The following TLN2 variants were observed in gnomAD, a reference collection of about 807,000 sequenced individuals.
The protein encoded by TLN2 is talin 2.
TLN2 carries 118 observed loss-of-function variants against 294.7 expected under a neutral mutation model. The ratio of observed to expected loss-of-function variants is 0.40; its 90% CI spans 0.34 to 0.47. TLN2 has a LOEUF of 0.47. Among genes scored for constraint, TLN2 ranks in the 20% least tolerant of loss-of-function variants. TLN2 has a pLI of 0.84. For synonymous variants in TLN2, 1,431 were observed against 1,304.5 expected, an observed-to-expected ratio of 1.10 and a Z score of -2.09; for missense variants, 3,083 against 3,282.2, an observed-to-expected ratio of 0.94 and a Z score of 1.48.
At chr15:62,545,096 A>ATTT (rs57917415) in intron 1 of TLN2, among the ~76,000 whole-genome samples, 2 of 141,744 alleles carry the variant, frequency 1.4e-5, no homozygotes, top group African/African-American at 2.6e-5. Flanking sequence ...CACCCAGCTG[A>ATTT]TTTTTTTTTT....
intron 50 of TLN2, among the ~76,000 whole-genome samples, chr15:62,804,914 C>T (rs1052186386): frequency 6.6e-6 from 1 of 151,962 alleles, no homozygotes; most frequent in Non-Finnish European, 1.5e-5. Flanking sequence ...GGGTACCAAT[C>T]ACTCATGTTA....
chr15:62,542,181 A>G (rs565473653), intron 1 of TLN2, among the ~76,000 whole-genome samples: 1 of 152,040 alleles, frequency 6.6e-6, no homozygotes, highest in East Asian at 1.9e-4. Context: ...TGAGGGGGTT[A>G]CGTTCCATTT....
chr15:62,738,169 G>A, intron 29 of TLN2, 45 bp from the exon 30 acceptor site: 1 of 1,605,882 alleles, frequency 6.2e-7, no homozygotes, highest in Non-Finnish European at 8.5e-7. Flanking sequence ...CAAATGTGCA[G>A]AAATGTTTGT....
chr15:62,673,943 A>G lies in TLN2; in HGVS notation c.852+53A>G, dbSNP rs1476370577. ...TTCTCCTCACTCCCCATCCTCATTT[A>G]TTAGTGTGAGGGGGCCTCTGCGCAT... is the stretch of plus-strand genomic sequence containing the variant. On this transcript the variant is annotated intron_variant, in intron 10 of 58. Coordinates refer to ENST00000636159, the MANE Select transcript of TLN2 (RefSeq NM_015059.3). 2.7e-6 allele frequency: 4 copies of G among 1,468,798 alleles called. No individual in the cohort carries two copies. In the African/African-American group the frequency reaches 4.2e-5, roughly 15 times the overall value. The allele number at this position is 1,468,798 out of a possible 1,614,324, so 91.0% of individuals were successfully genotyped here.
chr15:62,732,936 C>T (rs2060810221), intron 28 of TLN2, among the ~76,000 whole-genome samples: 1 of 152,054 alleles, frequency 6.6e-6, no homozygotes. Context: ...GGAGAATATG[C>T]AGTGAGAGCA....
At chr15:62,430,423 C>T (rs1237501179) in intron 1 of TLN2, among the ~76,000 whole-genome samples, 2 of 152,174 alleles carry the variant, frequency 1.3e-5, no homozygotes, top group African/African-American at 4.8e-5. Context: ...GAATCTTGGC[C>T]TCAATTAGAA....
At chr15:62,778,946 G>A (rs1322166592) in intron 43 of TLN2, among the ~76,000 whole-genome samples, 1 of 152,206 alleles carries the variant, frequency 6.6e-6, no homozygotes, top group East Asian at 1.9e-4. Flanking sequence ...TGACGTTTCA[G>A]GTCCTTTGGG....
intron 44 of TLN2, among the ~76,000 whole-genome samples, chr15:62,783,327 G>A (rs922383884): frequency 3.3e-5 from 5 of 152,358 alleles, no homozygotes; most frequent in South Asian, 2.1e-4. Flanking sequence ...ATCAGCCCCC[G>A]ACAGAAGCCT....
intron 3 of TLN2, among the ~76,000 whole-genome samples, chr15:62,633,283 G>A (rs1419000558): frequency 6.6e-6 from 1 of 152,150 alleles, no homozygotes; most frequent in Admixed American, 6.5e-5. Context: ...ACCAGCACCT[G>A]CATCTATGCT....
At position 62,694,522 on chromosome 15, in the gene TLN2, C is replaced by T. The variant is rs557816336; in HGVS notation, c.1292+130C>T. ...ATGACAGCAGATGATATAGTTGAAT[C>T]TTCTTCAAGCGTGGTCCCCAGACCA... On this transcript the variant is annotated intron_variant, in intron 14 of 58. Transcript: ENST00000636159. The T allele has an allele frequency of 2.8e-5, 20 of 708,778 alleles. No individual in the cohort carries two copies. In the East Asian group the frequency reaches 5.0e-4, roughly 18 times the overall value. The allele number at this position is 708,778 out of a possible 1,614,324, so 43.9% of individuals were successfully genotyped here.
chr15:62,736,550 T>C (rs2061026181), intron 28 of TLN2, among the ~76,000 whole-genome samples: 1 of 152,148 alleles, frequency 6.6e-6, no homozygotes, highest in South Asian at 2.1e-4. Flanking sequence ...CCCGCAAACA[T>C]GTGCAGGTAA....
In TLN2 at chr15:62,464,442, A is replaced by AG. The variant is rs528968714; in HGVS notation, c.-238+73760dup. Among the ~76,000 whole-genome samples, 24 of 152,126 alleles carry AG rather than the reference A, an allele frequency of 1.6e-4. No homozygotes were observed. In the South Asian group the frequency reaches 4.8e-3, roughly 30 times the overall value. ...CTGTTGTGGGATCGGGGGAGTGGGG[A>AG]GGGATAGCATTAGGAGAAATACCTA... On this transcript the variant is annotated intron_variant, in intron 1 of 58. Transcript: ENST00000636159.
intron 1 of TLN2, among the ~76,000 whole-genome samples, chr15:62,500,818 C>G (rs2039266358): frequency 6.6e-6 from 1 of 152,204 alleles, no homozygotes; most frequent in East Asian, 1.9e-4. Context: ...AATATGCATA[C>G]TCTTCTTGAG....
At chr15:62,397,739 A>G (rs2032673275) in intron 1 of TLN2, among the ~76,000 whole-genome samples, 2 of 152,178 alleles carry the variant, frequency 1.3e-5, no homozygotes. Flanking sequence ...GTTAAACCCC[A>G]GATTATTGGG....
At chr15:62,509,309 A>G (rs572764098) in intron 1 of TLN2, among the ~76,000 whole-genome samples, 146 of 152,232 alleles carry the variant, frequency 9.6e-4, no homozygotes, top group African/African-American at 3.4e-3. Flanking sequence ...TGACCTTTGT[A>G]TGTTAATACT....
rs1303762445 is a variant in TLN2 at position 62,820,584 on chromosome 15, C to A, written c.6976C>A (p.Gln2326Lys). The A allele has an allele frequency of 3.7e-6, 6 of 1,613,568 alleles. No individual in the cohort carries two copies. The highest frequency in any genetic ancestry group is 5.1e-6 in the Non-Finnish European group (6 of 1,179,792). Reference protein sequence around the residue: ...SIEAAAKKLEQLKPRAKPKQA... With the variant: ...SIEAAAKKLEKLKPRAKPKQA... Reference sequence around the variant, plus strand: ...CGAAGCTGCTGCTAAGAAGTTAGAGCAACTGAAGCCAAGAGCAAAACCAAA... The same window carrying A: ...CGAAGCTGCTGCTAAGAAGTTAGAGAAACTGAAGCCAAGAGCAAAACCAAA... The change falls in exon 54 of 59, where the codon CAA becomes AAA. Residue 2326 changes from glutamine to lysine, a missense_variant. Physicochemically the swap from Gln to Lys is moderately conservative, Grantham distance 53 (BLOSUM62 1). Coordinates refer to ENST00000636159, the MANE Select transcript of TLN2 (RefSeq NM_015059.3).
At chr15:62,652,249 G>A (rs10775179) in intron 6 of TLN2, 115 bp downstream of exon 6, 2 of 1,137,670 alleles carry the variant, frequency 1.8e-6, no homozygotes, top group Admixed American at 6.3e-5. Context: ...TTAACACGCC[G>A]AGTTCTGCCT....
intron 11 of TLN2, among the ~76,000 whole-genome samples, chr15:62,681,902 G>A (rs543692674): frequency 2.0e-5 from 3 of 152,268 alleles, no homozygotes; most frequent in South Asian, 2.1e-4. Context: ...ACAGGCACGT[G>A]CCACCACGCC....
intron 1 of TLN2, among the ~76,000 whole-genome samples, chr15:62,482,930 G>T (rs2038189476): frequency 6.6e-6 from 1 of 152,170 alleles, no homozygotes; most frequent in Non-Finnish European, 1.5e-5. Context: ...TGTATCCACA[G>T]TGCTTGGTGT....
Sources: allele counts gnomAD v4.1 joint callset (sites outside exome capture counted in the v4.1 genomes callset), GRCh38; gene constraint gnomAD v4.1.1; transcripts MANE v1.5; gene names NCBI Gene and HGNC (gene_info 2026-07-23, HGNC 2026-07-21).